AADACL2: variants seen among roughly 807,000 people sequenced by gnomAD.
AADACL2 encodes arylacetamide deacetylase like 2.
A neutral mutation model predicts 22.3 loss-of-function variants in AADACL2; 23 were observed. The ratio of observed to expected loss-of-function variants is 1.03; its 90% CI spans 0.74 to 1.46. AADACL2 has a LOEUF of 1.46. Ranked by LOEUF, AADACL2 falls within the 40% of genes most tolerant of loss-of-function variation. AADACL2 has a pLI of 0.00. For synonymous variants in AADACL2, 177 were observed against 166.2 expected (o/e 1.07, Z -0.50); for missense variants, 472 against 482.9 (o/e 0.98, Z 0.21).
chr3:151,740,170 T>C (rs57736390), intron 1 of AADACL2, among the ~76,000 whole-genome samples: 9,402 of 152,272 alleles, frequency 0.062, 612 homozygotes, highest in African/African-American at 0.16. Flanking sequence ...ATCTGCAGAT[T>C]GCAAAAACCA....
chr3:151,743,495 A>C (rs1413153890), intron 2 of AADACL2, among the ~76,000 whole-genome samples: 1 of 152,168 alleles, frequency 6.6e-6, no homozygotes, highest in Non-Finnish European at 1.5e-5. Context: ...ACTCATATGT[A>C]TATCAAGTCT....
chr3:151,746,047 G>A (rs1297564025), intron 4 of AADACL2, among the ~76,000 whole-genome samples: 7 of 151,972 alleles, frequency 4.6e-5, no homozygotes, highest in African/African-American at 1.4e-4. Flanking sequence ...GAGGATTGAC[G>A]TGTCAACAAT....
intron 1 of AADACL2, among the ~76,000 whole-genome samples, chr3:151,735,183 A>G (rs1342417829): frequency 2.0e-5 from 3 of 152,222 alleles, no homozygotes; most frequent in African/African-American, 7.2e-5. Flanking sequence ...TTGAGTAAGC[A>G]TAAGTGGGTA....
Position 151,757,511 on chromosome 3 carries a change from T to C in AADACL2, c.1123T>C (p.Ser375Pro). The change falls in exon 5 of 5, where the codon TCA (serine) becomes CCA (proline). Residue 375 changes from serine to proline, a missense_variant. Transcript: ENST00000356517. ...HIEDGIHGAL[S>P]FMTSPFYLRL... Reference sequence around the variant, plus strand: ...TGAGGATGGAATTCATGGAGCTTTATCATTCATGACTTCACCATTTTATTT... The same window carrying C: ...TGAGGATGGAATTCATGGAGCTTTACCATTCATGACTTCACCATTTTATTT... The C allele has an allele frequency of 6.2e-7, 1 of 1,613,612 alleles. No individual in the cohort carries two copies. Among genetic ancestry groups the C allele is most frequent in the Non-Finnish European group, 8.5e-7 (1 of 1,179,618 alleles).
rs1309049885 is a variant in AADACL2, at chr3:151,758,977, A to AT, written c.*1390dup. ...TTCAACAGTCCACAAACAAAATAAGATTTTTTTAATGTAGAGAGAAATTAA... is the reference window on the plus strand; with the variant it reads ...TTCAACAGTCCACAAACAAAATAAGATTTTTTTTAATGTAGAGAGAAATTAA... On this transcript the variant is annotated 3_prime_UTR_variant, in exon 5 of 5. Transcript: ENST00000356517. 5.3e-5 allele frequency: 8 copies of AT among 152,198 alleles called. No individual in the cohort carries two copies. Among genetic ancestry groups the AT allele is most frequent in the East Asian group, 3.9e-4 (2 of 5,186 alleles). 9.4% of individuals were successfully genotyped at this position (152,198 alleles called of 1,614,324 possible).
At chr3:151,754,193 G>A (rs1008209977) in intron 4 of AADACL2, among the ~76,000 whole-genome samples, 2 of 152,028 alleles carry the variant, frequency 1.3e-5, no homozygotes, top group Non-Finnish European at 2.9e-5. Flanking sequence ...GGATGTTTGC[G>A]AATGAAAAAA....
At chr3:151,745,726 A>AT (rs530319831) in intron 4 of AADACL2, 46 bp downstream of exon 4, 67 of 1,526,850 alleles carry the variant, frequency 4.4e-5, no homozygotes, top group Non-Finnish European at 5.3e-5. Context: ...ATTGAGGCTC[A>AT]TTTTTTTTCT....
At position 151,747,643 on chromosome 3, in the gene AADACL2, T is replaced by TAC. The variant is rs377480776; in HGVS notation, c.603+1978_603+1979dup. ...TTGTGTGTGTGTGTGTGTGTGTAGA[T>TAC]ACACACACACACACACCAAATTTTC... On this transcript the variant is annotated intron_variant, in intron 4 of 4. Transcript: ENST00000356517. 8.3e-3 allele frequency among the ~76,000 whole-genome samples: 1,226 copies of TAC among 147,786 alleles called. 14 individuals carry two copies. The highest frequency in any genetic ancestry group is 0.024 in the Middle Eastern group (7 of 288).
At chr3:151,746,317 A>G (rs971971872) in intron 4 of AADACL2, among the ~76,000 whole-genome samples, 1 of 149,020 alleles carries the variant, frequency 6.7e-6, no homozygotes, top group Admixed American at 6.7e-5. Context: ...TTTTCCCATC[A>G]TATCCTCAAT....
intron 2 of AADACL2, among the ~76,000 whole-genome samples, chr3:151,742,335 CAAT>C (rs1713309377): frequency 6.6e-6 from 1 of 151,736 alleles, no homozygotes; most frequent in African/African-American, 2.4e-5. Flanking sequence ...GACACTATAA[CAAT>C]AAAAAGGCAT....
At position 151,757,286 on chromosome 3, in the gene AADACL2, C is replaced by A. The variant is rs1272984679; in HGVS notation, c.898C>A (p.Pro300Thr). 6.2e-7 allele frequency: 1 copy of A among 1,613,758 alleles called. No homozygotes were observed. Among genetic ancestry groups the A allele is most frequent in the Admixed American group, 1.7e-5 (1 of 59,990 alleles). Residue 300 changes from proline to threonine, a missense_variant, in exon 5 of 5, where the codon CCA becomes ACA. Physicochemically the swap from Pro to Thr is conservative, Grantham distance 38. This residue lies in a region of AADACL2 where 356 missense variants were observed against 365.5 expected (regional missense o/e 0.97). Coordinates refer to ENST00000356517, the MANE Select transcript of AADACL2 (RefSeq NM_207365.4). ...TAGAAAAGACTATGTATATACTGAA[C>A]CAATTCTTGGAGGACTTAGTTATTC... ...KYRKDYVYTE[P>T]ILGGLSYSLP...
Position 151,757,007 on chromosome 3 carries a change from G to T in AADACL2, c.619G>T (p.Glu207Ter). 6.2e-7 allele frequency: 1 copy of T among 1,602,046 alleles called. No individual in the cohort carries two copies. Among genetic ancestry groups the T allele is most frequent in the South Asian group, 1.1e-5 (1 of 90,562 alleles). The change falls in exon 5 of 5, where the codon GAA (glutamate) becomes TAA (stop). Residue 207 changes from glutamate (E) to a stop codon, truncating the protein, a stop_gained. Coordinates refer to ENST00000356517, the MANE Select transcript of AADACL2 (RefSeq NM_207365.4). LOFTEE classifies it low-confidence loss of function (END_TRUNC). The part of the protein sequence containing the change: ...AVTQQVQNDA[E>*]IKHKIKMQVL... ...ATATTTTCAGGTGCAGAATGATGCT[G>T]AAATAAAACATAAAATCAAGATGCA...
In AADACL2 at chr3:151,758,383, G is replaced by A. The variant is rs1372738720; in HGVS notation, c.*789G>A. The A allele has an allele frequency of 6.6e-6, 1 of 152,066 alleles. No homozygotes were observed. Among genetic ancestry groups the A allele is most frequent in the Non-Finnish European group, 1.5e-5 (1 of 67,998 alleles). The allele number at this position is 152,066 out of a possible 1,614,324, so 9.4% of individuals were successfully genotyped here. ...TGTTTACATTTAGGAGGGTCCACCT[G>A]AATAGTCTAGGATAATCTCTGCATC... On this transcript the variant is annotated 3_prime_UTR_variant, in exon 5 of 5. Coordinates refer to ENST00000356517, the MANE Select transcript of AADACL2 (RefSeq NM_207365.4).
At chr3:151,752,732 A>T (rs1468466151) in intron 4 of AADACL2, among the ~76,000 whole-genome samples, 1 of 152,228 alleles carries the variant, frequency 6.6e-6, no homozygotes, top group Non-Finnish European at 1.5e-5. Flanking sequence ...TTTTGAAGTA[A>T]TTAGTAAGTC....
In AADACL2 at chr3:151,760,063, T is replaced by C. The variant is rs191652208; in HGVS notation, c.*2469T>C. 2.6e-5 allele frequency: 4 copies of C among 152,300 alleles called. No homozygotes were observed. The highest frequency in any genetic ancestry group is 2.0e-4 in the Admixed American group (3 of 15,294). 9.4% of individuals were successfully genotyped at this position (152,300 alleles called of 1,614,324 possible). A position where few individuals can be genotyped will look rare whatever the true frequency, so the allele number is the denominator to read the frequency against. The stretch of plus-strand genomic sequence containing the variant: ...ATCATCTCAAACATTTATCATTTCT[T>C]TGTGTTGGGAATTTCAATATCTTTT... On this transcript the variant is annotated 3_prime_UTR_variant, in exon 5 of 5. Transcript: ENST00000356517.
rs1714118199 is a variant in AADACL2 at position 151,760,844 on chromosome 3, G to T, written c.*3250G>T. ...GGTCCCTCTGAAGGCACCAAGGATGGATCTGTTTCAGGACTCCTGGCCTGT... is the reference window on the plus strand; with the variant it reads ...GGTCCCTCTGAAGGCACCAAGGATGTATCTGTTTCAGGACTCCTGGCCTGT... On this transcript the variant is annotated 3_prime_UTR_variant, in exon 5 of 5. Transcript: ENST00000356517. 6.6e-6 allele frequency: 1 copy of T among 151,994 alleles called. No homozygotes were observed. Among genetic ancestry groups the T allele is most frequent in the Admixed American group, 6.6e-5 (1 of 15,246 alleles). The allele number at this position is 151,994 out of a possible 1,614,324, so 9.4% of individuals were successfully genotyped here.
chr3:151,757,552 G>T lies in AADACL2; in HGVS notation c.1164G>T (p.Arg388Ser). 1 of 1,612,594 alleles carries T rather than the reference G, an allele frequency of 6.2e-7. No homozygotes were observed. Residue 388 changes from arginine to serine, a missense_variant, in exon 5 of 5, where the codon AGG (arginine) becomes AGT (serine). Around this residue, in one of 3 missense-constraint regions of AADACL2, gnomAD observed 113 missense variants for 100.9 expected, o/e 1.12. Transcript: ENST00000356517. Reference sequence around the variant, plus strand: ...CATTTTATTTACGTCTAGGTCTTAGGATAAGAGATATGTATGTAAGTTGGC... The same window carrying T: ...CATTTTATTTACGTCTAGGTCTTAGTATAAGAGATATGTATGTAAGTTGGC... ...TSPFYLRLGL[R>S]IRDMYVSWLD...
At chr3:151,739,156 G>GAT (rs967662817) in intron 1 of AADACL2, among the ~76,000 whole-genome samples, 1 of 152,210 alleles carries the variant, frequency 6.6e-6, no homozygotes, top group African/African-American at 2.4e-5. Context: ...CTTTGAGGCT[G>GAT]ATAACCTTTG....
At chr3:151,742,382 C>A (rs1713310690) in intron 2 of AADACL2, among the ~76,000 whole-genome samples, 1 of 152,092 alleles carries the variant, frequency 6.6e-6, no homozygotes, top group Non-Finnish European at 1.5e-5. Flanking sequence ...GAGATTATAT[C>A]AGCAAATATT....
Sources: gnomAD v4.1 joint callset for allele counts (sites outside exome capture counted in the v4.1 genomes callset) on GRCh38, gnomAD v4.1.1 for gene constraint, gnomAD v4.1.1 regional missense constraint, MANE v1.5 for transcripts, NCBI Gene and HGNC (gene_info 2026-07-23, HGNC 2026-07-21) for gene names.